The following USP6NL variants were observed in gnomAD, a reference collection of about 807,000 sequenced individuals.
USP6NL encodes the protein USP6 N-terminal like.
Under a neutral mutation model 61.9 loss-of-function variants are expected in USP6NL, and 26 were observed. That is an observed-to-expected ratio of 0.42 (90% CI 0.31 to 0.58). The LOEUF (loss-of-function observed/expected upper bound fraction) is 0.58. Among genes scored for constraint, USP6NL ranks in the 20% least tolerant of loss-of-function variants. The pLI is 0.16. For synonymous variants in USP6NL, 432 were observed against 390.1 expected (o/e 1.11, Z -1.27); for missense variants, 1,114 against 1,034.3 (o/e 1.08, Z -1.06).
intron 2 of USP6NL, among the ~76,000 whole-genome samples, chr10:11,543,091 T>C (rs1378172888): frequency 6.6e-6 from 1 of 152,222 alleles, no homozygotes; most frequent in Non-Finnish European, 1.5e-5. Context: ...CATTATTACC[T>C]GGGTATTCAA....
At chr10:11,552,408 G>A (rs1350278201) in intron 2 of USP6NL, among the ~76,000 whole-genome samples, 1 of 152,154 alleles carries the variant, frequency 6.6e-6, no homozygotes, top group Non-Finnish European at 1.5e-5. Flanking sequence ...TAAAAATCAG[G>A]AAATAAAGCT....
Position 11,552,986 on chromosome 10 carries a change from T to G in USP6NL, c.5-25419A>C, listed in dbSNP as rs193055649. 1.7e-3 allele frequency among the ~76,000 whole-genome samples: 257 copies of G among 152,312 alleles called. 2 individuals carry two copies. The highest frequency in any genetic ancestry group is 3.0e-3 in the Non-Finnish European group (205 of 68,022). On this transcript the variant is annotated intron_variant, in intron 2 of 14. Coordinates refer to ENST00000609104, the MANE Select transcript of USP6NL (RefSeq NM_014688.5). ...CCTCACCCACCTCCCACCTCCCACC[T>G]TTTGGAGTCTCCAATGTGTGTTCCT...
chr10:11,574,547 T>C lies in USP6NL; in HGVS notation c.4+23084A>G, dbSNP rs1837474554. ...TGTTCTATTTATCCCATAGCAGCCC[T>C]TCTCAAAGTAAACCTACAGAGTTAA... On this transcript the variant is annotated intron_variant, in intron 2 of 14. Transcript: ENST00000609104. This position sits in a 1 kb window ranked among gnomAD's most constrained non-coding sequence, Gnocchi z 4.3. Among the ~76,000 whole-genome samples, 1 of 152,224 alleles carries C rather than the reference T, an allele frequency of 6.6e-6. No homozygotes were observed. The highest frequency in any genetic ancestry group is 2.4e-5 in the African/African-American group (1 of 41,456).
intron 7 of USP6NL, among the ~76,000 whole-genome samples, chr10:11,497,910 G>A (rs1834007652): frequency 6.6e-6 from 1 of 151,848 alleles, no homozygotes; most frequent in African/African-American, 2.4e-5. Context: ...TAAACCTGAG[G>A]GCAGAAGTAC....
At chr10:11,586,457 C>A (rs1388913) in intron 2 of USP6NL, among the ~76,000 whole-genome samples, 1 of 151,920 alleles carries the variant, frequency 6.6e-6, no homozygotes, top group East Asian at 1.9e-4. Flanking sequence ...TTAAGGAACA[C>A]AATTGTGAAT....
intron 6 of USP6NL, among the ~76,000 whole-genome samples, chr10:11,503,716 T>C (rs1834315428): frequency 6.6e-6 from 1 of 152,172 alleles, no homozygotes; most frequent in East Asian, 1.9e-4. Context: ...TCTGTTTTAT[T>C]TTATCCCTTC....
rs1231653384 is a variant in USP6NL, at chr10:11,487,669, T to TA, written c.664+1432dup. On this transcript the variant is annotated intron_variant, in intron 10 of 14. Coordinates refer to ENST00000609104, the MANE Select transcript of USP6NL (RefSeq NM_014688.5). The surrounding 1 kb of genome is among the most constrained non-coding windows in gnomAD (Gnocchi z 4.2). ...CTGCCTACTGGATGGCAACTCAATA[T>TA]AATAACATGTCTTACTTTTAGAGCC... Among the ~76,000 whole-genome samples, 2 of 152,308 alleles carry TA rather than the reference T, an allele frequency of 1.3e-5. No individual in the cohort carries two copies. Among genetic ancestry groups the TA allele is most frequent in the Non-Finnish European group, 2.9e-5 (2 of 68,028 alleles).
chr10:11,483,707 A>G (rs55888412), intron 13 of USP6NL, among the ~76,000 whole-genome samples: 15,627 of 61,268 alleles, frequency 0.26, 2,035 homozygotes, highest in East Asian at 0.58. Context: ...GGCAAAAGGC[A>G]GTGTTGGGGG....
intron 6 of USP6NL, among the ~76,000 whole-genome samples, chr10:11,505,857 G>A (rs148339820): frequency 1.9e-3 from 295 of 152,256 alleles, no homozygotes; most frequent in African/African-American, 6.8e-3. Flanking sequence ...AGGCTCACTC[G>A]AGCTGCTTAT....
intron 2 of USP6NL, among the ~76,000 whole-genome samples, chr10:11,551,801 G>GT (rs1293288676): frequency 2.0e-5 from 3 of 152,154 alleles, no homozygotes; most frequent in Non-Finnish European, 2.9e-5. Flanking sequence ...TCCATCATAA[G>GT]TTTTAAGGAC....
intron 2 of USP6NL, among the ~76,000 whole-genome samples, chr10:11,579,917 C>A (rs1405178468): frequency 6.8e-6 from 1 of 146,944 alleles, no homozygotes; most frequent in Non-Finnish European, 1.5e-5. Context: ...CCAAATATGA[C>A]CCATAGGCTG....
intron 6 of USP6NL, among the ~76,000 whole-genome samples, chr10:11,502,668 C>T (rs774691566): frequency 2.0e-5 from 3 of 152,172 alleles, no homozygotes; most frequent in Non-Finnish European, 4.4e-5. Context: ...TAAACTAAAG[C>T]TTTAGTGACT....
intron 7 of USP6NL, among the ~76,000 whole-genome samples, chr10:11,498,411 A>G (rs1163644173): frequency 2.6e-5 from 4 of 151,606 alleles, no homozygotes; most frequent in African/African-American, 4.9e-5. Context: ...AGATAACAGA[A>G]GAGGAAAACA....
intron 2 of USP6NL, among the ~76,000 whole-genome samples, chr10:11,551,784 G>T (rs1836498777): frequency 6.6e-6 from 1 of 152,132 alleles, no homozygotes; most frequent in Non-Finnish European, 1.5e-5. Flanking sequence ...TAAGTTAATG[G>T]TCAGATTCCA....
intron 2 of USP6NL, among the ~76,000 whole-genome samples, chr10:11,566,752 G>A (rs1221482816): frequency 6.6e-6 from 1 of 152,200 alleles, no homozygotes; most frequent in Non-Finnish European, 1.5e-5. Context: ...TACCATGCTG[G>A]AGAGTTCAGA....
At chr10:11,464,415 G>A (rs1324750131) in intron 14 of USP6NL, among the ~76,000 whole-genome samples, 5 of 152,334 alleles carry the variant, frequency 3.3e-5, no homozygotes, top group African/African-American at 7.2e-5. Context: ...TAAGGCCTGC[G>A]ATAGGCAGAC....
rs936415711 is a variant in USP6NL at position 11,553,519 on chromosome 10, A to G, written c.5-25952T>C. Among the ~76,000 whole-genome samples the G allele has an allele frequency of 1.3e-5, 2 of 152,228 alleles. No homozygotes were observed. Among genetic ancestry groups the G allele is most frequent in the Non-Finnish European group, 2.9e-5 (2 of 68,042 alleles). On this transcript the variant is annotated intron_variant, in intron 2 of 14. Coordinates refer to ENST00000609104, the MANE Select transcript of USP6NL (RefSeq NM_014688.5). This position sits in a 1 kb window ranked among gnomAD's most constrained non-coding sequence, Gnocchi z 4.8. ...GCTGAAAATCAATGTTCCTTAATAT[A>G]TTATGGGAATATATACTTACATCCA...
intron 2 of USP6NL, among the ~76,000 whole-genome samples, chr10:11,535,226 G>T (rs1259301983): frequency 6.6e-6 from 1 of 152,164 alleles, no homozygotes; most frequent in African/African-American, 2.4e-5. Flanking sequence ...AGCTATGGTG[G>T]CCAGTTTCCA....
chr10:11,536,346 C>G (rs377739483), intron 2 of USP6NL, among the ~76,000 whole-genome samples: 3 of 152,242 alleles, frequency 2.0e-5, no homozygotes, highest in African/African-American at 7.2e-5. Context: ...CAAAATCTAT[C>G]AGGCCCAGAG....
Sources: allele counts gnomAD v4.1 joint callset (sites outside exome capture counted in the v4.1 genomes callset), GRCh38; gene constraint gnomAD v4.1.1; non-coding constraint Gnocchi (gnomAD v3.1); transcripts MANE v1.5; gene names NCBI Gene and HGNC (gene_info 2026-07-23, HGNC 2026-07-21).